The following ASIC2 variants were observed in gnomAD, a reference collection of about 807,000 sequenced individuals.
ASIC2 encodes the protein acid-sensing ion channel 2.
A neutral mutation model predicts 57.3 loss-of-function variants in ASIC2; 25 were observed. That is an observed-to-expected ratio of 0.44 (90% CI 0.32 to 0.61). The LOEUF is 0.61. ASIC2 is among the 20% of genes least tolerant of loss of function. The probability of loss-of-function intolerance (pLI) is 0.06; values close to 1 mark genes in which losing one functional copy is unlikely to be tolerated. For synonymous variants in ASIC2, 319 were observed against 307.5 expected, an observed-to-expected ratio of 1.04 and a Z score of -0.39; for missense variants, 641 against 738.1, an observed-to-expected ratio of 0.87 and a Z score of 1.52.
At chr17:33,031,881 A>G (rs151076955) in intron 3 of ASIC2, among the ~76,000 whole-genome samples, 320 of 152,284 alleles carry the variant, frequency 2.1e-3, no homozygotes, top group African/African-American at 7.5e-3. Flanking sequence ...TTTGAAGTTT[A>G]CTTTGCATGA....
At chr17:34,130,421 C>T (rs2142127179) in intron 1 of ASIC2, among the ~76,000 whole-genome samples, 1 of 152,312 alleles carries the variant, frequency 6.6e-6, no homozygotes, top group East Asian at 1.9e-4. Context: ...GGCAAGGGCT[C>T]AAAGGAGCCT....
chr17:34,047,539 G>C (rs1908385961), intron 1 of ASIC2, among the ~76,000 whole-genome samples: 1 of 146,860 alleles, frequency 6.8e-6, no homozygotes, highest in Non-Finnish European at 1.5e-5. Flanking sequence ...AAAAAGACTG[G>C]AGTATATTGA....
chr17:34,063,251 A>G (rs1909036457), intron 1 of ASIC2, among the ~76,000 whole-genome samples: 1 of 152,254 alleles, frequency 6.6e-6, no homozygotes, highest in African/African-American at 2.4e-5. Flanking sequence ...CCACATAAAC[A>G]GAATTAAAAA....
intron 1 of ASIC2, among the ~76,000 whole-genome samples, chr17:33,670,654 A>G (rs530356089): frequency 1.2e-4 from 19 of 152,266 alleles, no homozygotes; most frequent in Non-Finnish European, 2.1e-4. Context: ...CCTCTAATCC[A>G]TCAACCTCAT....
At chr17:34,075,880 G>A (rs924814165) in intron 1 of ASIC2, among the ~76,000 whole-genome samples, 2 of 135,806 alleles carry the variant, frequency 1.5e-5, no homozygotes, top group African/African-American at 5.7e-5. Context: ...TCCGGCTGGA[G>A]TGCAATGGCG....
intron 6 of ASIC2, among the ~76,000 whole-genome samples, chr17:33,022,340 C>T (rs374170148): frequency 1.3e-5 from 2 of 152,176 alleles, no homozygotes; most frequent in African/African-American, 2.4e-5. Flanking sequence ...TTCAAATGCT[C>T]GTTGGCCACA....
At chr17:33,849,435 C>G (rs1913703697) in intron 1 of ASIC2, among the ~76,000 whole-genome samples, 1 of 152,152 alleles carries the variant, frequency 6.6e-6, no homozygotes, top group Non-Finnish European at 1.5e-5. Context: ...GCTGTGTAAC[C>G]TACTCAAGGT....
intron 1 of ASIC2, among the ~76,000 whole-genome samples, chr17:34,117,060 T>C (rs527662217): frequency 6.6e-6 from 1 of 152,256 alleles, no homozygotes; most frequent in African/African-American, 2.4e-5. Context: ...TTTGTGTATA[T>C]GGAAAGTGTG....
At chr17:33,187,328 G>A (rs1325857566) in intron 1 of ASIC2, among the ~76,000 whole-genome samples, 1 of 152,186 alleles carries the variant, frequency 6.6e-6, no homozygotes, top group Non-Finnish European at 1.5e-5. Flanking sequence ...ACCAGCTAAT[G>A]CTTCTTTAAG....
intron 1 of ASIC2, among the ~76,000 whole-genome samples, chr17:33,643,209 G>T (rs1313532964): frequency 1.3e-5 from 2 of 149,982 alleles, no homozygotes; most frequent in Admixed American, 6.7e-5. Flanking sequence ...ATGACATCTT[G>T]CCATTAATTG....
At chr17:33,252,748 G>A (rs145593601) in intron 1 of ASIC2, among the ~76,000 whole-genome samples, 24 of 152,018 alleles carry the variant, frequency 1.6e-4, no homozygotes, top group African/African-American at 5.3e-4. Context: ...CTTCTCTTAC[G>A]CCTTTGCCCA....
intron 1 of ASIC2, among the ~76,000 whole-genome samples, chr17:33,161,695 C>T (rs1905163773): frequency 6.6e-6 from 1 of 152,060 alleles, no homozygotes; most frequent in Non-Finnish European, 1.5e-5. Flanking sequence ...ATGTGTTCAA[C>T]AAATATCTTT....
At chr17:33,789,504 G>T (rs933165702) in intron 1 of ASIC2, among the ~76,000 whole-genome samples, 2 of 111,760 alleles carry the variant, frequency 1.8e-5, no homozygotes, top group East Asian at 2.4e-4. Context: ...ACACACACAC[G>T]TGCAGCATTT....
rs137879557 is a variant in ASIC2 at position 34,104,684 on chromosome 17, T to C, written c.555+51294A>G. Among the ~76,000 whole-genome samples, 405 of 152,208 alleles carry C rather than the reference T, an allele frequency of 2.7e-3. 5 individuals are homozygous for C. Among genetic ancestry groups the C allele is most frequent in the African/African-American group, 9.3e-3 (388 of 41,568 alleles). Reference sequence around the variant, plus strand: ...ATTACTGTCATTAATGAGTGCTGGATATTGTTAAATGCCTTTTCTCCATCT... The same window carrying C: ...ATTACTGTCATTAATGAGTGCTGGACATTGTTAAATGCCTTTTCTCCATCT... On this transcript the variant is annotated intron_variant, in intron 1 of 9. Transcript: ENST00000359872.
Position 34,141,036 on chromosome 17 carries a change from G to A in ASIC2, c.555+14942C>T, listed in dbSNP as rs563391522. Among the ~76,000 whole-genome samples, 22 of 152,266 alleles carry A rather than the reference G, an allele frequency of 1.4e-4. No homozygotes were observed. The South Asian group carries it at 4.6e-3, about 32-fold the overall frequency. On this transcript the variant is annotated intron_variant, in intron 1 of 9. Transcript: ENST00000359872. The stretch of plus-strand genomic sequence containing the variant: ...TATTGCATGCCTCCAGATAGGCTAT[G>A]ATGAGAATTCTGCATCAGTTTTGTG...
chr17:33,408,692 C>T (rs1237322169), intron 1 of ASIC2, among the ~76,000 whole-genome samples: 1 of 152,142 alleles, frequency 6.6e-6, no homozygotes, highest in African/African-American at 2.4e-5. Flanking sequence ...AACAAATGAA[C>T]AAACAAACAG....
intron 1 of ASIC2, among the ~76,000 whole-genome samples, chr17:34,147,291 A>C (rs1912446448): frequency 6.6e-6 from 1 of 152,240 alleles, no homozygotes; most frequent in Non-Finnish European, 1.5e-5. Flanking sequence ...AGGTTGTGCA[A>C]CTAAATCTAC....
chr17:33,824,711 G>C (rs1426115119), intron 1 of ASIC2, among the ~76,000 whole-genome samples: 3 of 152,124 alleles, frequency 2.0e-5, no homozygotes, highest in African/African-American at 4.8e-5. Context: ...TTGTGATAGT[G>C]AATTAAGTCT....
At chr17:33,318,094 G>T (rs914992113) in intron 1 of ASIC2, among the ~76,000 whole-genome samples, 4 of 152,152 alleles carry the variant, frequency 2.6e-5, no homozygotes. Context: ...ACATCGTTAA[G>T]GCAGCAGCTG....
Sources: allele counts gnomAD v4.1 joint callset (sites outside exome capture counted in the v4.1 genomes callset), GRCh38; gene constraint gnomAD v4.1.1; transcripts MANE v1.5; gene names NCBI Gene and HGNC (gene_info 2026-07-23, HGNC 2026-07-21).